The following KCTD1 variants were observed in gnomAD, a reference collection of about 807,000 sequenced individuals.
KCTD1 encodes potassium channel tetramerization domain containing 1.
Under a neutral mutation model 66.0 loss-of-function variants are expected in KCTD1, and 24 were observed. The ratio of observed to expected loss-of-function variants is 0.36; its 90% CI spans 0.26 to 0.51. KCTD1 has a LOEUF of 0.51. Ranked by LOEUF, KCTD1 falls within the 20% of genes least tolerant of loss-of-function variation. The pLI is 0.95. For missense variants in KCTD1, 943 were observed against 1,205.2 expected (o/e 0.78, Z 3.22); for synonymous variants, 511 against 517.2 (o/e 0.99, Z 0.16).
At chr18:26,596,934 C>T (rs538697456) in intron 1 of KCTD1, among the ~76,000 whole-genome samples, 90 of 152,166 alleles carry the variant, frequency 5.9e-4, no homozygotes, top group Non-Finnish European at 9.7e-4. Context: ...CTTTGATTTC[C>T]TCTTTCCCAT....
intron 2 of KCTD1, among the ~76,000 whole-genome samples, chr18:26,486,865 A>G (rs994546892): frequency 5.3e-5 from 8 of 152,216 alleles, no homozygotes; most frequent in African/African-American, 1.9e-4. Context: ...CCCACTTGCA[A>G]TCATGCCAGC....
intron 3 of KCTD1, among the ~76,000 whole-genome samples, chr18:26,462,951 G>A (rs1448702301): frequency 6.6e-6 from 1 of 152,102 alleles, no homozygotes; most frequent in Admixed American, 6.5e-5. Context: ...CGAGATGATG[G>A]GTCTCTTGTT....
At chr18:26,567,953 G>A (rs1331489636) in intron 1 of KCTD1, among the ~76,000 whole-genome samples, 1 of 152,134 alleles carries the variant, frequency 6.6e-6, no homozygotes, top group African/African-American at 2.4e-5. Flanking sequence ...GAAAAATATT[G>A]TTTCGAAAGC....
chr18:26,613,279 T>C (rs1951846153), intron 1 of KCTD1, among the ~76,000 whole-genome samples: 1 of 138,068 alleles, frequency 7.2e-6, no homozygotes, highest in Non-Finnish European at 1.6e-5. Context: ...GTTCCTGTCT[T>C]GTTTTCAAAG....
intron 1 of KCTD1, among the ~76,000 whole-genome samples, chr18:26,651,237 G>T (rs944457405): frequency 6.6e-6 from 1 of 152,230 alleles, no homozygotes; most frequent in South Asian, 2.1e-4. Flanking sequence ...TTTGCCAAGT[G>T]CCCTTGAAAA....
intron 1 of KCTD1, among the ~76,000 whole-genome samples, chr18:26,563,392 C>A (rs2144881685): frequency 6.6e-6 from 1 of 152,332 alleles, no homozygotes; most frequent in South Asian, 2.1e-4. Context: ...TTCTCCAAAA[C>A]CAGCCTCACC....
At chr18:26,529,786 GT>G (rs1984350090) in intron 1 of KCTD1, among the ~76,000 whole-genome samples, 2 of 152,180 alleles carry the variant, frequency 1.3e-5, no homozygotes, top group Non-Finnish European at 2.9e-5. Flanking sequence ...TTCTGCAGTT[GT>G]GAATGATCAA....
upstream of KCTD1, among the ~76,000 whole-genome samples, chr18:26,632,319 G>A (rs1987638613): frequency 6.6e-6 from 1 of 151,976 alleles, no homozygotes; most frequent in African/African-American, 2.4e-5. Flanking sequence ...CTAGGAGGCA[G>A]AGGTTACAGC....
intron 1 of KCTD1, among the ~76,000 whole-genome samples, chr18:26,514,254 G>A (rs1983512799): frequency 6.6e-6 from 1 of 152,080 alleles, no homozygotes; most frequent in South Asian, 2.1e-4. Flanking sequence ...AATTTTTAAA[G>A]GTGTGGGGGA....
intron 4 of KCTD1, chr18:26,456,171 A>AACTG (rs921039582): frequency 6.2e-6 from 2 of 320,718 alleles, no homozygotes; most frequent in Non-Finnish European, 1.1e-5. Flanking sequence ...TAAATGAGAA[A>AACTG]ACTGAGGTTC....
At chr18:26,549,991 A>T (rs938815267), upstream of KCTD1, among the ~76,000 whole-genome samples, 1 of 151,906 alleles carries the variant, frequency 6.6e-6, no homozygotes, top group Non-Finnish European at 1.5e-5. Flanking sequence ...TTCTCTTAGG[A>T]GGCACAGCCC....
At chr18:26,632,586 A>T (rs1278222342), upstream of KCTD1, among the ~76,000 whole-genome samples, 4 of 152,166 alleles carry the variant, frequency 2.6e-5, no homozygotes, top group South Asian at 2.1e-4. Context: ...CTGAGTTTTT[A>T]AAAAAATTAG....
intron 1 of KCTD1, among the ~76,000 whole-genome samples, chr18:26,530,430 T>C (rs960528071): frequency 6.6e-6 from 1 of 152,146 alleles, no homozygotes; most frequent in African/African-American, 2.4e-5. Flanking sequence ...GACATCCATA[T>C]AGACCCGAAA....
chr18:26,654,307 TTCA>T (rs1316594821), intron 1 of KCTD1, among the ~76,000 whole-genome samples: 8 of 152,160 alleles, frequency 5.3e-5, no homozygotes, highest in African/African-American at 1.9e-4. Context: ...ATAATACGCT[TTCA>T]TCATCATCTA....
chr18:26,506,934 G>A (rs530653808), intron 1 of KCTD1, among the ~76,000 whole-genome samples: 3 of 152,362 alleles, frequency 2.0e-5, no homozygotes, highest in African/African-American at 7.2e-5. Context: ...GGGAGGCCGA[G>A]GCGGGCAGAT....
At chr18:26,581,965 A>T (rs1180768992) in intron 1 of KCTD1, among the ~76,000 whole-genome samples, 1 of 152,080 alleles carries the variant, frequency 6.6e-6, no homozygotes, top group Non-Finnish European at 1.5e-5. Flanking sequence ...TCAACAACCC[A>T]ATAGGAAAGT....
chr18:26,604,144 A>C (rs1352854680), intron 1 of KCTD1, among the ~76,000 whole-genome samples: 2 of 152,272 alleles, frequency 1.3e-5, no homozygotes, highest in Non-Finnish European at 2.9e-5. Flanking sequence ...ACATGTGGCC[A>C]ACAAGTATAT....
upstream of KCTD1, among the ~76,000 whole-genome samples, chr18:26,643,763 C>A (rs189043867): frequency 2.0e-5 from 3 of 152,240 alleles, no homozygotes; most frequent in South Asian, 2.1e-4. Context: ...GAGATGGAGA[C>A]CATCCTGGCT....
intron 1 of KCTD1, among the ~76,000 whole-genome samples, chr18:26,507,459 T>C (rs555215873): frequency 2.3e-4 from 35 of 152,230 alleles, no homozygotes; most frequent in African/African-American, 8.2e-4. Flanking sequence ...AGCCTTGAGC[T>C]CCTGGGGTCA....
Sources: gnomAD v4.1 joint callset for allele counts (sites outside exome capture counted in the v4.1 genomes callset) on GRCh38, gnomAD v4.1.1 for gene constraint, MANE v1.5 for transcripts, NCBI Gene and HGNC (gene_info 2026-07-23, HGNC 2026-07-21) for gene names.